OPCML: variants seen among roughly 807,000 people sequenced by gnomAD.
OPCML encodes opioid binding protein/cell adhesion molecule like, also known as opioid-binding protein/cell adhesion molecule.
OPCML carries 13 observed loss-of-function variants against 37.8 expected under a neutral mutation model. That is an observed-to-expected ratio of 0.34 (90% CI 0.22 to 0.55). The LOEUF (loss-of-function observed/expected upper bound fraction) is 0.55. Among genes scored for constraint, OPCML ranks in the 20% least tolerant of loss-of-function variants. OPCML has a pLI of 0.91. For synonymous variants in OPCML, 176 were observed against 168.8 expected, an observed-to-expected ratio of 1.04 and a Z score of -0.33; for missense variants, 341 against 435.6, an observed-to-expected ratio of 0.78 and a Z score of 1.93.
intron 2 of OPCML, among the ~76,000 whole-genome samples, chr11:132,666,338 G>A (rs1183680296): frequency 6.6e-6 from 1 of 152,104 alleles, no homozygotes; most frequent in African/African-American, 2.4e-5. Context: ...GGAGATGCCA[G>A]GCTCTTAAAC....
intron 2 of OPCML, among the ~76,000 whole-genome samples, chr11:132,738,092 T>C (rs1274696512): frequency 6.6e-6 from 1 of 152,156 alleles, no homozygotes; most frequent in East Asian, 1.9e-4. Context: ...GTAGGGAGCA[T>C]GCACTGAGAT....
intron 4 of OPCML, among the ~76,000 whole-genome samples, chr11:132,510,957 A>C (rs1404924121): frequency 1.3e-5 from 2 of 152,212 alleles, no homozygotes; most frequent in Non-Finnish European, 2.9e-5. Flanking sequence ...ATATCATGTT[A>C]CTGGAGAACT....
chr11:133,412,678 T>A (rs367588919), intron 1 of OPCML, among the ~76,000 whole-genome samples: 2 of 152,328 alleles, frequency 1.3e-5, no homozygotes, highest in South Asian at 2.1e-4. Flanking sequence ...AATAAACTTT[T>A]CCACTGTAGT....
At chr11:133,432,732 C>T (rs992190467) in intron 1 of OPCML, among the ~76,000 whole-genome samples, 2 of 152,106 alleles carry the variant, frequency 1.3e-5, no homozygotes, top group Non-Finnish European at 2.9e-5. Context: ...CTTTATTTTA[C>T]ATCCATGGTT....
intron 1 of OPCML, chr11:133,421,474 T>G (rs1945885815): frequency 2.0e-6 from 2 of 985,336 alleles, no homozygotes; most frequent in Admixed American, 1.2e-4. Flanking sequence ...AAATTATCAT[T>G]TCTATGGCTA....
At chr11:133,323,274 A>G (rs1339514977) in intron 1 of OPCML, among the ~76,000 whole-genome samples, 2 of 152,182 alleles carry the variant, frequency 1.3e-5, no homozygotes, top group African/African-American at 2.4e-5. Context: ...GAAGCAGAAG[A>G]TTGGATTTCT....
intron 1 of OPCML, among the ~76,000 whole-genome samples, chr11:132,975,529 C>CAAAAAAAAAAAAAAAAAAAAAAA (rs56882175): frequency 2.3e-5 from 1 of 42,800 alleles, no homozygotes. Flanking sequence ...AGGTTTCAAG[C>CAAAAAAAAAAAAAAAAAAAAAAA]AAAAAAAAAA....
intron 1 of OPCML, among the ~76,000 whole-genome samples, chr11:133,273,613 C>A (rs1046715091): frequency 1.3e-5 from 2 of 151,996 alleles, no homozygotes; most frequent in Non-Finnish European, 2.9e-5. Context: ...AGTAAAAATT[C>A]TTCCTGGATT....
intron 2 of OPCML, among the ~76,000 whole-genome samples, chr11:132,835,538 T>C (rs938520699): frequency 2.0e-5 from 3 of 152,216 alleles, no homozygotes; most frequent in Admixed American, 2.0e-4. Context: ...TTGCTTTTTC[T>C]AGATGCCAAG....
chr11:133,296,167 C>G (rs1416794354), intron 1 of OPCML, among the ~76,000 whole-genome samples: 1 of 152,186 alleles, frequency 6.6e-6, no homozygotes, highest in Non-Finnish European at 1.5e-5. Context: ...AAGGACATGT[C>G]CTCTGCCTGA....
intron 1 of OPCML, among the ~76,000 whole-genome samples, chr11:133,527,103 C>G (rs1301690094): frequency 6.6e-6 from 1 of 152,224 alleles, no homozygotes; most frequent in African/African-American, 2.4e-5. Flanking sequence ...GGGCTGCAGG[C>G]TGATGGGGTC....
At chr11:133,333,957 A>G (rs1422000695) in intron 1 of OPCML, among the ~76,000 whole-genome samples, 1 of 152,252 alleles carries the variant, frequency 6.6e-6, no homozygotes, top group African/African-American at 2.4e-5. Context: ...ATTTCACACC[A>G]GTCAGAATGG....
intron 1 of OPCML, among the ~76,000 whole-genome samples, chr11:133,185,447 AT>A (rs1452026694): frequency 6.6e-6 from 1 of 152,234 alleles, no homozygotes; most frequent in Non-Finnish European, 1.5e-5. Flanking sequence ...GCTGCAGCCC[AT>A]TGCAGGGAAG....
chr11:133,105,852 G>A (rs1949148244), intron 1 of OPCML, among the ~76,000 whole-genome samples: 1 of 151,994 alleles, frequency 6.6e-6, no homozygotes, highest in Non-Finnish European at 1.5e-5. Context: ...CATGGTGGCG[G>A]GTGCCTGTAA....
intron 2 of OPCML, among the ~76,000 whole-genome samples, chr11:132,926,853 A>G (rs1236512434): frequency 6.6e-6 from 1 of 152,120 alleles, no homozygotes; most frequent in Non-Finnish European, 1.5e-5. Flanking sequence ...CAATATATGA[A>G]TAAAATTAGA....
At chr11:132,436,507 T>C (rs1470340677) in intron 6 of OPCML, 152 bp downstream of exon 6, 1 of 1,424,810 alleles carries the variant, frequency 7.0e-7, no homozygotes, top group African/African-American at 1.4e-5. Context: ...ATTTTTTTTC[T>C]CGTTGTAAAA....
chr11:133,167,171 G>A (rs1479847055), intron 1 of OPCML, among the ~76,000 whole-genome samples: 9 of 152,108 alleles, frequency 5.9e-5, no homozygotes, highest in Non-Finnish European at 2.9e-5. Flanking sequence ...AAGGCTGCTC[G>A]GGCACTAATT....
At chr11:132,579,601 A>G (rs2096458220) in intron 3 of OPCML, among the ~76,000 whole-genome samples, 1 of 152,040 alleles carries the variant, frequency 6.6e-6, no homozygotes, top group Non-Finnish European at 1.5e-5. Flanking sequence ...TCAGGGAGAG[A>G]GCACCCTCCT....
chr11:132,589,425 C>G (rs1206493076), intron 3 of OPCML, among the ~76,000 whole-genome samples: 1 of 152,132 alleles, frequency 6.6e-6, no homozygotes, highest in Non-Finnish European at 1.5e-5. Context: ...AATTATCTAG[C>G]TGAGATTAAC....
Sources: allele counts gnomAD v4.1 joint callset (sites outside exome capture counted in the v4.1 genomes callset), GRCh38; gene constraint gnomAD v4.1.1; transcripts MANE v1.5; gene names NCBI Gene and HGNC (gene_info 2026-07-23, HGNC 2026-07-21).